Variants in POGK observed in about 807,000 individuals in gnomAD.
The protein encoded by POGK is pogo transposable element with KRAB domain.
A neutral mutation model predicts 54.4 loss-of-function variants in POGK; 16 were observed. The ratio of observed to expected loss-of-function variants is 0.29; its 90% CI spans 0.20 to 0.45. POGK has a LOEUF of 0.45. Among genes scored for constraint, POGK ranks in the 20% least tolerant of loss-of-function variants. The pLI, the probability that POGK is intolerant of heterozygous loss-of-function variation, is 1.00. For synonymous variants in POGK, 271 were observed against 302.2 expected, an observed-to-expected ratio of 0.90 and a Z score of 1.07; for missense variants, 515 against 795.6, an observed-to-expected ratio of 0.65 and a Z score of 4.24.
Position 166,853,670 on chromosome 1 carries a change from C to T in POGK, c.*1100C>T, listed in dbSNP as rs1045845698. 6.9e-6 allele frequency: 1 copy of T among 145,730 alleles called. No homozygotes were observed. The highest frequency in any genetic ancestry group is 1.5e-5 in the Non-Finnish European group (1 of 66,194). The allele number at this position is 145,730 out of a possible 1,614,324, so 9.0% of individuals were successfully genotyped here. On this transcript the variant is annotated 3_prime_UTR_variant, in exon 6 of 6. Coordinates refer to ENST00000367876, the MANE Select transcript of POGK (RefSeq NM_017542.5). ...TGTGCTACACAAAATATGCCAGGAC[C>T]TCACAGACAAAGCCATTGCTAGAAA...
Position 166,853,096 on chromosome 1 carries a change from C to A in POGK, c.*526C>A, listed in dbSNP as rs573166382. 6.6e-5 allele frequency: 10 copies of A among 152,552 alleles called. No homozygotes were observed. Among genetic ancestry groups the A allele is most frequent in the Admixed American group, 5.9e-4 (9 of 15,298 alleles). The allele number at this position is 152,552 out of a possible 1,614,324, so 9.4% of individuals were successfully genotyped here. On this transcript the variant is annotated 3_prime_UTR_variant, in exon 6 of 6. Coordinates refer to ENST00000367876, the MANE Select transcript of POGK (RefSeq NM_017542.5). ...GAGAAGGCTTTGTAGAAATGTGTCA[C>A]CTATGTACACCTGCTACTTACACAT...
At chr1:166,841,469 A>G (rs1657510164) in intron 2 of POGK, among the ~76,000 whole-genome samples, 1 of 152,190 alleles carries the variant, frequency 6.6e-6, no homozygotes, top group African/African-American at 2.4e-5. Flanking sequence ...TTGGGTTGAC[A>G]TGAGAGGTTA....
rs1658143144 is a variant in POGK, at chr1:166,853,150, G to GA, written c.*582dup. On this transcript the variant is annotated 3_prime_UTR_variant, in exon 6 of 6. Transcript: ENST00000367876. ...CTCTTTTGGAAAAATGAGATACTTA[G>GA]AATAACAAGAAAATTAAGACATACT... 1 of 152,618 alleles carries GA rather than the reference G, an allele frequency of 6.6e-6. No individual in the cohort carries two copies. The highest frequency in any genetic ancestry group is 1.5e-5 in the Non-Finnish European group (1 of 68,030). The allele number at this position is 152,618 out of a possible 1,614,324, so 9.5% of individuals were successfully genotyped here.
In POGK at chr1:166,850,240, C is replaced by T; in HGVS notation, c.1661C>T (p.Ala554Val). 1 of 1,558,542 alleles carries T rather than the reference C, an allele frequency of 6.4e-7. No individual in the cohort carries two copies. Among genetic ancestry groups the T allele is most frequent in the Non-Finnish European group, 8.7e-7 (1 of 1,150,534 alleles). Residue 554 changes from alanine to valine, a missense_variant, in exon 5 of 6, where the codon GCG (alanine) becomes GTG (valine). Ala to Val is a moderately conservative substitution (Grantham distance 64). Coordinates refer to ENST00000367876, the MANE Select transcript of POGK (RefSeq NM_017542.5). ...CTCTTTCTGGAGTGGGTCATGGTCG[C>T]GTGGAATAGCATCTCAAGTGAGTCC... ...LGLFLEWVMVAWNSISSESIV... is the reference protein window; with the variant it reads ...LGLFLEWVMVVWNSISSESIV...
In POGK at chr1:166,853,651, A is replaced by G. The variant is rs949735784; in HGVS notation, c.*1081A>G. ...ACATTCCTTTAAAGGGATCTGTGCT[A>G]CACAAAATATGCCAGGACCTCACAG... On this transcript the variant is annotated 3_prime_UTR_variant, in exon 6 of 6. Transcript: ENST00000367876. 6.6e-5 allele frequency: 10 copies of G among 152,400 alleles called. No homozygotes were observed. Among genetic ancestry groups the G allele is most frequent in the African/African-American group, 2.2e-4 (9 of 41,354 alleles). 9.4% of individuals were successfully genotyped at this position (152,400 alleles called of 1,614,324 possible).
chr1:166,842,558 G>T (rs1657558279), intron 2 of POGK, among the ~76,000 whole-genome samples: 1 of 152,240 alleles, frequency 6.6e-6, no homozygotes, highest in Admixed American at 6.5e-5. Context: ...TGCACCAGGA[G>T]CCAAGATGAG....
Position 166,840,965 on chromosome 1 carries a change from C to T in POGK, c.9C>T (p.Ser3=), listed in dbSNP as rs1433858883. Residue 3 remains serine (S), a synonymous_variant, in exon 2 of 6, where the codon TCC becomes TCT. Transcript: ENST00000367876. ...GAATCTTGCTTGCAGAGATGGAGTC[C>T]ACAGCCTACCCTCTCAATTTGAGCC... ME[S]TAYPLNLSLK... 1.2e-6 allele frequency: 2 copies of T among 1,613,836 alleles called. No individual in the cohort carries two copies. The highest frequency in any genetic ancestry group is 2.2e-5 in the East Asian group (1 of 44,878).
intron 2 of POGK, among the ~76,000 whole-genome samples, chr1:166,843,178 C>T (rs1355270356): frequency 1.3e-5 from 2 of 152,192 alleles, no homozygotes; most frequent in Non-Finnish European, 2.9e-5. Context: ...GAGGACAGCA[C>T]AGGCAAAAGC....
intron 2 of POGK, among the ~76,000 whole-genome samples, chr1:166,844,285 G>C (rs759169515): frequency 6.6e-6 from 1 of 152,132 alleles, no homozygotes; most frequent in Non-Finnish European, 1.5e-5. Context: ...TGAAATGACA[G>C]GCATAGACAG....
chr1:166,849,207 GA>G lies in POGK; in HGVS notation c.630del (p.Glu210AspfsTer28). The G allele has an allele frequency of 6.2e-7, 1 of 1,614,224 alleles. No individual in the cohort carries two copies. The highest frequency in any genetic ancestry group is 1.3e-5 in the African/African-American group (1 of 75,060). On this transcript the variant is annotated frameshift_variant, in exon 5 of 6. Transcript: ENST00000367876. LOFTEE classifies it high-confidence loss of function. ...YDAGFKLMVV[E>X]YAESTNNCQA... is the part of the protein sequence containing the mutation. ...CGCAGGGTTCAAGCTGATGGTAGTG[GA>G]ATATGCTGAGAGTACCAACAACTGC...
intron 2 of POGK, among the ~76,000 whole-genome samples, chr1:166,845,837 G>A (rs1242385008): frequency 6.6e-6 from 1 of 152,202 alleles, no homozygotes; most frequent in African/African-American, 2.4e-5. Flanking sequence ...GAGCCCCCTG[G>A]TGCTGGGCCA....
At chr1:166,847,423 G>T in intron 3 of POGK, 71 bp from the exon 4 acceptor site, 4 of 1,166,912 alleles carry the variant, frequency 3.4e-6, no homozygotes, top group South Asian at 1.5e-5. Context: ...TAAGTATTTT[G>T]AAGTACTTAT....
intron 5 of POGK, chr1:166,850,674 G>T: frequency 2.4e-6 from 1 of 409,054 alleles, no homozygotes; most frequent in Non-Finnish European, 4.4e-6. Flanking sequence ...TGTCACAGCA[G>T]CGGCATTAGA....
Position 166,850,414 on chromosome 1 carries a change from A to G in POGK, c.*5A>G. ...AGCATGGCTGAGAGCAACTGAAGGG[A>G]AAGGGAAAGGTAACCACTCAGGAGT... On this transcript the variant is annotated 3_prime_UTR_variant, in exon 5 of 6. Transcript: ENST00000367876. The G allele has an allele frequency of 1.3e-6, 2 of 1,597,190 alleles. No homozygotes were observed. The highest frequency in any genetic ancestry group is 1.7e-6 in the Non-Finnish European group (2 of 1,174,642).
At chr1:166,847,648 AT>A in intron 4 of POGK, 56 bp downstream of exon 4, 1 of 1,360,738 alleles carries the variant, frequency 7.3e-7, no homozygotes, top group Non-Finnish European at 1.0e-6. Context: ...GTGGAGTGGG[AT>A]TTTCAGTGTA....
intron 3 of POGK, 56 bp downstream of exon 3, chr1:166,846,794 C>T (rs1657867059): frequency 3.1e-6 from 5 of 1,601,626 alleles, no homozygotes; most frequent in Non-Finnish European, 4.3e-6. Flanking sequence ...GAATTGTTTC[C>T]ATGCCTCTCT....
chr1:166,846,921 C>T (rs1571224262), intron 3 of POGK, among the ~76,000 whole-genome samples, 183 bp downstream of exon 3: 1 of 152,158 alleles, frequency 6.6e-6, no homozygotes, highest in Non-Finnish European at 1.5e-5. Context: ...TCACCCTACT[C>T]GGCAATCCGT....
chr1:166,839,911 G>A (rs1376518166), intron 1 of POGK: 4 of 152,428 alleles, frequency 2.6e-5, no homozygotes, highest in African/African-American at 4.8e-5. Flanking sequence ...GGGGCGCGGC[G>A]GCGGTGGCGC....
intron 2 of POGK, among the ~76,000 whole-genome samples, chr1:166,843,342 G>A (rs1215745109): frequency 2.6e-5 from 4 of 152,222 alleles, no homozygotes; most frequent in Admixed American, 1.3e-4. Context: ...CAGCGAGTTT[G>A]AGCTTTCTCC....
Sources: gnomAD v4.1 joint callset for allele counts (sites outside exome capture counted in the v4.1 genomes callset) on GRCh38, gnomAD v4.1.1 for gene constraint, MANE v1.5 for transcripts, NCBI Gene and HGNC (gene_info 2026-07-23, HGNC 2026-07-21) for gene names.